Variants in TRIM33 observed in about 807,000 individuals in gnomAD.
TRIM33 encodes the protein tripartite motif containing 33.
In TRIM33, 20 loss-of-function variants were observed where a neutral mutation model predicts 125.4. The observed-to-expected ratio is 0.16, with a 90% confidence interval of 0.11 to 0.23. The LOEUF (loss-of-function observed/expected upper bound fraction) is 0.23, where lower values mean the gene tolerates loss of function less well. Ranked by LOEUF, TRIM33 falls within the 10% of genes least tolerant of loss-of-function variation. TRIM33 has a pLI of 1.00. For missense variants in TRIM33, 920 were observed against 1,411.4 expected (o/e 0.65, Z 5.58); for synonymous variants, 564 against 513.9 (o/e 1.10, Z -1.32).
At chr1:114,429,372 T>TA (rs1647797195) in intron 6 of TRIM33, among the ~76,000 whole-genome samples, 1 of 151,668 alleles carries the variant, frequency 6.6e-6, no homozygotes, top group African/African-American at 2.4e-5. Context: ...TTTTTTTTTT[T>TA]AGTAGAGATG....
chr1:114,450,892 T>C (rs184965370), intron 4 of TRIM33, among the ~76,000 whole-genome samples: 88 of 152,336 alleles, frequency 5.8e-4, no homozygotes, highest in Admixed American at 1.1e-3. Context: ...GCAATAGTTA[T>C]CTAATAATTT....
chr1:114,461,011 C>T (rs1025839874), intron 4 of TRIM33, among the ~76,000 whole-genome samples: 1 of 151,600 alleles, frequency 6.6e-6, no homozygotes, highest in Non-Finnish European at 1.5e-5. Context: ...TCGTGGGAAC[C>T]GCCCCGCCCC....
intron 1 of TRIM33, among the ~76,000 whole-genome samples, chr1:114,471,647 T>A (rs997735641): frequency 1.3e-5 from 2 of 149,886 alleles, no homozygotes; most frequent in African/African-American, 2.5e-5. Flanking sequence ...AACAAAAAGG[T>A]AAAACAAAAA....
intron 1 of TRIM33, among the ~76,000 whole-genome samples, chr1:114,489,466 AAGT>A (rs771742298): frequency 1.9e-4 from 29 of 152,336 alleles, no homozygotes; most frequent in Non-Finnish European, 3.2e-4. Context: ...TTTTGTGGCC[AAGT>A]GCAGTGGCTC....
chr1:114,442,072 T>TC (rs1391342544), intron 4 of TRIM33, among the ~76,000 whole-genome samples: 1 of 152,156 alleles, frequency 6.6e-6, no homozygotes, highest in Non-Finnish European at 1.5e-5. Context: ...ACTACACAAC[T>TC]CCAAGATAGC....
Position 114,443,902 on chromosome 1 carries a change from C to A in TRIM33, c.924-10169G>T, listed in dbSNP as rs555622961. ...AAAAAATTAATGTATGAAGGTGGAA[C>A]AAAGGTGACTTTCACTTTCAGCCAG... On this transcript the variant is annotated intron_variant, in intron 4 of 19. Transcript: ENST00000358465. Among the ~76,000 whole-genome samples the A allele has an allele frequency of 7.9e-5, 12 of 151,802 alleles. No homozygotes were observed. The South Asian group carries it at 2.5e-3, about 32-fold the overall frequency.
intron 1 of TRIM33, among the ~76,000 whole-genome samples, chr1:114,483,980 G>A (rs1296457422): frequency 1.3e-5 from 2 of 152,130 alleles, no homozygotes; most frequent in Non-Finnish European, 2.9e-5. Flanking sequence ...GTTTGTAAGT[G>A]GAGGTTTGGA....
At position 114,408,717 on chromosome 1, in the gene TRIM33, C is replaced by G. The variant is rs746862547; in HGVS notation, c.2218G>C (p.Val740Leu). 1.2e-6 allele frequency: 2 copies of G among 1,604,250 alleles called. No homozygotes were observed. The highest frequency in any genetic ancestry group is 2.2e-5 in the South Asian group (2 of 90,030). Residue 740 changes from valine to leucine, a missense_variant, in exon 13 of 20, where the codon GTG (valine) becomes CTG (leucine). Coordinates refer to ENST00000358465, the MANE Select transcript of TRIM33 (RefSeq NM_015906.4). ...SSGLSNSHTP[V>L]RPPSTSSTGS... ...GTACTAGAAGTACTTGGGGGTCTCA[C>G]AGGTGTGTGAGAATTGGATAAACCT... is the stretch of plus-strand genomic sequence containing the variant.
intron 4 of TRIM33, 56 bp from the exon 5 acceptor site, chr1:114,433,789 G>GGATT (rs1648114172): frequency 1.8e-6 from 2 of 1,142,090 alleles, no homozygotes; most frequent in Non-Finnish European, 2.6e-6. Flanking sequence ...TAAGATTTTG[G>GGATT]AAATAAAGAA....
At chr1:114,470,874 C>T (rs1304011813) in intron 1 of TRIM33, among the ~76,000 whole-genome samples, 3 of 152,180 alleles carry the variant, frequency 2.0e-5, no homozygotes, top group African/African-American at 2.4e-5. Flanking sequence ...GAACACTGCT[C>T]GCTGAAGCTT....
At chr1:114,468,794 T>C in intron 1 of TRIM33, 1 of 365,236 alleles carries the variant, frequency 2.7e-6, no homozygotes, top group South Asian at 2.3e-5. Flanking sequence ...TCTCATTCAA[T>C]AATCATACAG....
rs545549405 is a variant in TRIM33, at chr1:114,447,431, G to C, written c.924-13698C>G. ...CAACTGCCAAACTGAGATGAGGAAA[G>C]GCTACCAGTGAAAAAAGGTTTGGAG... On this transcript the variant is annotated intron_variant, in intron 4 of 19. Transcript: ENST00000358465. Among the ~76,000 whole-genome samples the C allele has an allele frequency of 3.3e-5, 5 of 152,200 alleles. No individual in the cohort carries two copies. In the South Asian group the frequency reaches 1.0e-3, roughly 32 times the overall value.
intron 4 of TRIM33, among the ~76,000 whole-genome samples, chr1:114,435,006 A>C (rs1648189528): frequency 6.6e-6 from 1 of 152,268 alleles, no homozygotes; most frequent in African/African-American, 2.4e-5. Flanking sequence ...TACAAAAGTC[A>C]GAATATGAGA....
chr1:114,461,211 T>TAAAAAAAAAA (rs569418875), intron 4 of TRIM33, among the ~76,000 whole-genome samples: 1 of 96,152 alleles, frequency 1.0e-5, no homozygotes. Context: ...AACCTGTCTT[T>TAAAAAAAAAA]AAAAATATAT....
At chr1:114,437,126 A>T (rs1422817044) in intron 4 of TRIM33, among the ~76,000 whole-genome samples, 1 of 152,196 alleles carries the variant, frequency 6.6e-6, no homozygotes, top group Non-Finnish European at 1.5e-5. Flanking sequence ...CCTGTTTCTA[A>T]ATATATCTTG....
At chr1:114,430,337 C>T (rs1188663467) in intron 6 of TRIM33, among the ~76,000 whole-genome samples, 1 of 152,074 alleles carries the variant, frequency 6.6e-6, no homozygotes, top group Non-Finnish European at 1.5e-5. Flanking sequence ...CTTGACCTCC[C>T]GGGCTCAGTC....
chr1:114,450,784 GTT>G (rs1649263874), intron 4 of TRIM33, among the ~76,000 whole-genome samples: 1 of 152,132 alleles, frequency 6.6e-6, no homozygotes, highest in African/African-American at 2.4e-5. Context: ...ATTTTATGAT[GTT>G]ATACACCTTG....
intron 1 of TRIM33, among the ~76,000 whole-genome samples, chr1:114,466,844 G>A (rs1256412654): frequency 1.3e-5 from 2 of 152,162 alleles, no homozygotes; most frequent in African/African-American, 2.4e-5. Flanking sequence ...CGATCTGCTC[G>A]CCTTGGCCTC....
In TRIM33 at chr1:114,433,993, G is replaced by T. The variant is rs539429822; in HGVS notation, c.924-260C>A. Among the ~76,000 whole-genome samples the T allele has an allele frequency of 2.0e-5, 3 of 152,162 alleles. No individual in the cohort carries two copies. The South Asian group carries it at 6.2e-4, about 32-fold the overall frequency. On this transcript the variant is annotated intron_variant, in intron 4 of 19. Transcript: ENST00000358465. The stretch of plus-strand genomic sequence containing the variant: ...CTCTTATATTAGAGTGTTGATTCAG[G>T]ATTACATCTTTTTAAAAATTCAAAT...
Sources: gnomAD v4.1 joint callset for allele counts (sites outside exome capture counted in the v4.1 genomes callset) on GRCh38, gnomAD v4.1.1 for gene constraint, MANE v1.5 for transcripts, NCBI Gene and HGNC (gene_info 2026-07-23, HGNC 2026-07-21) for gene names.